The following TTC28 variants were observed in gnomAD, a reference collection of about 807,000 sequenced individuals.
TTC28 encodes tetratricopeptide repeat protein 28.
A neutral mutation model predicts 198.0 loss-of-function variants in TTC28; 61 were observed. The observed-to-expected ratio is 0.31, with a 90% CI of 0.25 to 0.38. The LOEUF is 0.38. Ranked by LOEUF, TTC28 falls within the 10% of genes least tolerant of loss-of-function variation. TTC28 has a pLI of 1.00. For synonymous variants in TTC28, 1,171 were observed against 1,297.8 expected (o/e 0.90, Z 2.10); for missense variants, 2,678 against 3,164.0 (o/e 0.85, Z 3.69).
intron 5 of TTC28, among the ~76,000 whole-genome samples, chr22:28,253,824 G>A (rs1020164481): frequency 6.6e-6 from 1 of 152,156 alleles, no homozygotes; most frequent in Non-Finnish European, 1.5e-5. Context: ...AATTTATGGG[G>A]CCGGGCACAG....
chr22:28,199,503 G>C (rs1925716025), intron 5 of TTC28, among the ~76,000 whole-genome samples: 1 of 133,128 alleles, frequency 7.5e-6, no homozygotes, highest in Admixed American at 7.9e-5. Context: ...GCAAGACTCT[G>C]TCTCTTCAAA....
intron 6 of TTC28, among the ~76,000 whole-genome samples, chr22:28,135,172 A>C (rs1211174032): frequency 1.3e-5 from 2 of 152,000 alleles, no homozygotes; most frequent in African/African-American, 4.8e-5. Context: ...GAGTGAAGTG[A>C]GGTAGGGGTG....
chr22:28,519,739 AAC>A (rs1010485681), intron 2 of TTC28, among the ~76,000 whole-genome samples: 13 of 152,334 alleles, frequency 8.5e-5, no homozygotes, highest in African/African-American at 3.1e-4. Context: ...AGCATGAGGA[AAC>A]ACATTTGAGC....
intron 5 of TTC28, among the ~76,000 whole-genome samples, chr22:28,229,689 CT>C (rs921480605): frequency 4.6e-5 from 7 of 152,116 alleles, no homozygotes; most frequent in Admixed American, 1.3e-4. Flanking sequence ...CCCACCACCC[CT>C]TTCAATTCTA....
At chr22:28,591,040 CATATATATATATATATATAT>C (rs377761638) in intron 2 of TTC28, among the ~76,000 whole-genome samples, 5 of 30,754 alleles carry the variant, frequency 1.6e-4, no homozygotes, top group South Asian at 1.3e-3. Flanking sequence ...CACACACACA[CATATATATATATATATATAT>C]ATATATATAT....
intron 1 of TTC28, among the ~76,000 whole-genome samples, chr22:28,671,445 C>G (rs1377319854): frequency 6.6e-6 from 1 of 151,944 alleles, no homozygotes; most frequent in East Asian, 2.0e-4. Flanking sequence ...ACCATCCTAT[C>G]TAACACAGTG....
chr22:28,077,973 T>C (rs1012089794), intron 12 of TTC28, among the ~76,000 whole-genome samples: 6 of 152,164 alleles, frequency 3.9e-5, no homozygotes, highest in Non-Finnish European at 8.8e-5. Flanking sequence ...TACTGCAAGA[T>C]GCTGGCTAAA....
chr22:28,072,920 T>C (rs771291417), intron 12 of TTC28, among the ~76,000 whole-genome samples: 3 of 152,136 alleles, frequency 2.0e-5, no homozygotes, highest in Non-Finnish European at 2.9e-5. Context: ...GCAGGAGTGC[T>C]TGGATGACAG....
At chr22:28,396,726 G>C (rs1391962846) in intron 2 of TTC28, among the ~76,000 whole-genome samples, 2 of 152,202 alleles carry the variant, frequency 1.3e-5, no homozygotes, top group Middle Eastern at 6.8e-3. Context: ...AATTTATAAG[G>C]CTGTGGAAGA....
intron 12 of TTC28, among the ~76,000 whole-genome samples, chr22:28,042,826 A>G (rs1265301729): frequency 6.6e-6 from 1 of 152,218 alleles, no homozygotes; most frequent in African/African-American, 2.4e-5. Context: ...GAAGAACCCA[A>G]GAAACAGAGA....
intron 6 of TTC28, among the ~76,000 whole-genome samples, chr22:28,153,229 A>G (rs1044179454): frequency 6.6e-6 from 1 of 151,782 alleles, no homozygotes; most frequent in African/African-American, 2.4e-5. Flanking sequence ...ATTTTGCTGC[A>G]CTGTAAATAA....
At chr22:28,031,215 C>G (rs1247794197) in intron 12 of TTC28, among the ~76,000 whole-genome samples, 2 of 152,200 alleles carry the variant, frequency 1.3e-5, no homozygotes, top group Non-Finnish European at 2.9e-5. Flanking sequence ...GGGAGTGCCG[C>G]CAGCCTGCAG....
intron 2 of TTC28, among the ~76,000 whole-genome samples, chr22:28,434,505 G>A (rs945563582): frequency 6.6e-6 from 1 of 152,052 alleles, no homozygotes; most frequent in East Asian, 1.9e-4. Flanking sequence ...CCAACAAGGT[G>A]AAACCCCATC....
intron 2 of TTC28, among the ~76,000 whole-genome samples, chr22:28,431,551 T>A (rs890036390): frequency 2.6e-5 from 4 of 152,240 alleles, no homozygotes; most frequent in Non-Finnish European, 4.4e-5. Flanking sequence ...GTCAATAATC[T>A]GTTAACTTAA....
chr22:28,305,060 C>T (rs1383149535), intron 3 of TTC28, among the ~76,000 whole-genome samples: 1 of 152,016 alleles, frequency 6.6e-6, no homozygotes, highest in Non-Finnish European at 1.5e-5. Context: ...GCGATCTCGG[C>T]TCACTGCGAC....
At chr22:28,487,999 C>G (rs889703845) in intron 2 of TTC28, among the ~76,000 whole-genome samples, 1 of 152,078 alleles carries the variant, frequency 6.6e-6, no homozygotes, top group African/African-American at 2.4e-5. Flanking sequence ...CCTCCTTTTC[C>G]ACCAGACGCT....
chr22:27,993,230 A>C, intron 18 of TTC28, 57 bp downstream of exon 18: 1 of 1,420,676 alleles, frequency 7.0e-7, no homozygotes, highest in Non-Finnish European at 9.3e-7. Flanking sequence ...AAGGCCACCA[A>C]CTGTTCCACC....
intron 12 of TTC28, among the ~76,000 whole-genome samples, chr22:28,033,341 C>T (rs1939208668): frequency 6.6e-6 from 1 of 152,182 alleles, no homozygotes; most frequent in Admixed American, 6.5e-5. Context: ...GCCTTGCCAC[C>T]AATCCTCACA....
intron 2 of TTC28, chr22:28,629,297 C>A (rs955730440): frequency 5.1e-5 from 22 of 431,146 alleles, no homozygotes; most frequent in Middle Eastern, 6.3e-4. Flanking sequence ...ACTTATCAAG[C>A]GGCACAGATA....
Sources: gnomAD v4.1 joint callset for allele counts (sites outside exome capture counted in the v4.1 genomes callset) on GRCh38, gnomAD v4.1.1 for gene constraint, MANE v1.5 for transcripts, NCBI Gene and HGNC (gene_info 2026-07-23, HGNC 2026-07-21) for gene names.